Variants in PIK3C2A observed in about 807,000 individuals in gnomAD.
PIK3C2A encodes the protein phosphatidylinositol 4-phosphate 3-kinase C2 domain-containing subunit alpha.
In PIK3C2A, 97 loss-of-function variants were observed where a neutral mutation model predicts 204.5. The ratio of observed to expected loss-of-function variants is 0.47; its 90% confidence interval spans 0.40 to 0.56. The LOEUF (loss-of-function observed/expected upper bound fraction) is 0.56. Among genes scored for constraint, PIK3C2A ranks in the 20% least tolerant of loss-of-function variants. PIK3C2A has a pLI of 0.00. For missense variants in PIK3C2A, 1,735 were observed against 1,969.2 expected, an observed-to-expected ratio of 0.88 and a Z score of 2.25; for synonymous variants, 653 against 664.4, an observed-to-expected ratio of 0.98 and a Z score of 0.26.
intron 1 of PIK3C2A, among the ~76,000 whole-genome samples, chr11:17,205,375 G>A (rs1218542504): frequency 6.7e-6 from 1 of 150,234 alleles, no homozygotes; most frequent in Non-Finnish European, 1.5e-5. Context: ...TCGGGAGGCT[G>A]AGGCAGGAGA....
chr11:17,119,433 A>C, intron 16 of PIK3C2A, 120 bp from the exon 17 acceptor site: 1 of 676,736 alleles, frequency 1.5e-6, no homozygotes, highest in Non-Finnish European at 2.6e-6. Context: ...TCTTTTATTC[A>C]AAAGCAATGT....
Position 17,207,016 on chromosome 11 carries a change from GCT to G in PIK3C2A, c.-66+830_-66+831del, listed in dbSNP as rs954733949. 3.3e-5 allele frequency among the ~76,000 whole-genome samples: 5 copies of G among 151,996 alleles called. No individual in the cohort carries two copies. The East Asian group carries it at 9.6e-4, about 29-fold the overall frequency. Reference sequence around the variant, plus strand: ...CAGTATAGGAAAAGAACTACAACAGGCTCTCTCTTCCACGTTATGTCCAGACT... The same window carrying G: ...CAGTATAGGAAAAGAACTACAACAGGCTCTCTTCCACGTTATGTCCAGACT... On this transcript the variant is annotated intron_variant, in intron 1 of 32. Transcript: ENST00000691414.
intron 1 of PIK3C2A, 59 bp from the exon 2 acceptor site, chr11:17,169,865 T>G: frequency 1.5e-6 from 1 of 680,072 alleles, no homozygotes; most frequent in Non-Finnish European, 2.4e-6. Context: ...TATATTTTGT[T>G]TGCAACCTAC....
At chr11:17,131,867 T>C (rs763316297) in intron 12 of PIK3C2A, 49 bp downstream of exon 12, 8 of 1,520,986 alleles carry the variant, frequency 5.3e-6, no homozygotes, top group Non-Finnish European at 6.2e-6. Context: ...TTGGAAAAAG[T>C]AAACAACAGG....
At chr11:17,111,892 A>C (rs1299080610) in intron 21 of PIK3C2A, among the ~76,000 whole-genome samples, 11 of 151,200 alleles carry the variant, frequency 7.3e-5, no homozygotes, top group African/African-American at 2.4e-4. Context: ...CAAAAAAAAA[A>C]AAAAAAAAAT....
chr11:17,169,333 T>C lies in PIK3C2A; in HGVS notation c.409A>G (p.Ile137Val), dbSNP rs1286285140. The C allele has an allele frequency of 6.2e-6, 10 of 1,613,974 alleles. No individual in the cohort carries two copies. The Admixed American group carries it at 1.3e-4, about 22-fold the overall frequency. ...CCAGGTGGCCACTGTCCTCTCTGAA[T>C]AGTAGGTCTAAAATAGAGCTGTGCT... ...FSAQLYFRPT[I>V]QRGQWPPGLP... The change falls in exon 2 of 33, where the codon ATT becomes GTT. Residue 137 changes from isoleucine to valine, a missense_variant. Physicochemically the swap from Ile to Val is conservative, Grantham distance 29 (BLOSUM62 3). Coordinates refer to ENST00000691414, the MANE Select transcript of PIK3C2A (RefSeq NM_002645.4).
At chr11:17,152,100 G>A (rs1850441630) in intron 3 of PIK3C2A, among the ~76,000 whole-genome samples, 1 of 152,094 alleles carries the variant, frequency 6.6e-6, no homozygotes, top group Non-Finnish European at 1.5e-5. Context: ...TGGTTTGAGA[G>A]GAGGAAACCT....
intron 1 of PIK3C2A, among the ~76,000 whole-genome samples, chr11:17,176,013 T>C (rs1418634531): frequency 6.6e-6 from 1 of 151,784 alleles, no homozygotes; most frequent in Non-Finnish European, 1.5e-5. Context: ...ATTTTTTTTT[T>C]TTTTGTGGGG....
In PIK3C2A at chr11:17,087,157, A is replaced by G. The variant is rs943754115; in HGVS notation, c.*2581T>C. 3.9e-5 allele frequency: 6 copies of G among 152,222 alleles called. No homozygotes were observed. Among genetic ancestry groups the G allele is most frequent in the Non-Finnish European group, 8.8e-5 (6 of 68,020 alleles). The allele number at this position is 152,222 out of a possible 1,614,324, so 9.4% of individuals were successfully genotyped here. ...GACAACATGTAGCATAATTATTTTTAGTCAATAAAGGTGAGTATAAAATAT... is the reference window on the plus strand; with the variant it reads ...GACAACATGTAGCATAATTATTTTTGGTCAATAAAGGTGAGTATAAAATAT... On this transcript the variant is annotated 3_prime_UTR_variant, in exon 33 of 33. Coordinates refer to ENST00000691414, the MANE Select transcript of PIK3C2A (RefSeq NM_002645.4).
At chr11:17,146,182 C>A (rs767102307) in intron 6 of PIK3C2A, among the ~76,000 whole-genome samples, 1 of 152,098 alleles carries the variant, frequency 6.6e-6, no homozygotes, top group Non-Finnish European at 1.5e-5. Flanking sequence ...AGCCTACTTT[C>A]AGATATATAA....
Position 17,148,801 on chromosome 11 carries a change from A to C in PIK3C2A, c.1328-14T>G. On this transcript the variant is annotated splice_polypyrimidine_tract_variant and intron_variant, in intron 4 of 32. Coordinates refer to ENST00000691414, the MANE Select transcript of PIK3C2A (RefSeq NM_002645.4). ...CAGTAGAACTCACTGTAAAAGAGTTAGTCATTATTTTCACTTTGCTCATTT... is the reference window on the plus strand; with the variant it reads ...CAGTAGAACTCACTGTAAAAGAGTTCGTCATTATTTTCACTTTGCTCATTT... The C allele has an allele frequency of 6.2e-7, 1 of 1,601,822 alleles. No homozygotes were observed.
Position 17,105,300 on chromosome 11 carries a change from C to G in PIK3C2A, c.3550G>C (p.Val1184Leu). 1 of 1,607,456 alleles carries G rather than the reference C, an allele frequency of 6.2e-7. No individual in the cohort carries two copies. The highest frequency in any genetic ancestry group is 1.1e-5 in the South Asian group (1 of 89,754). ...CLSTGRDRGM[V>L]ELVPASDTLR... ...GTATCGGAAGCAGGAACCAGCTCCA[C>G]CATGCCTTTAATGATAAAATATTAA... The change falls in exon 23 of 33, where the codon GTG (valine) becomes CTG (leucine). Residue 1184 changes from valine (V) to leucine (L), a missense_variant. By Grantham distance (32) the Val-to-Leu change is conservative (BLOSUM62 1). Coordinates refer to ENST00000691414, the MANE Select transcript of PIK3C2A (RefSeq NM_002645.4).
chr11:17,114,215 T>A (rs1849100281), intron 20 of PIK3C2A, 146 bp downstream of exon 20: 2 of 442,672 alleles, frequency 4.5e-6, no homozygotes, highest in African/African-American at 3.9e-5. Context: ...TATGCTAAGA[T>A]AAATATGGAT....
chr11:17,151,675 C>A (rs772635299), intron 3 of PIK3C2A, among the ~76,000 whole-genome samples: 17 of 152,084 alleles, frequency 1.1e-4, no homozygotes, highest in Admixed American at 7.9e-4. Flanking sequence ...GGGGGTAATA[C>A]TACTACTTAC....
chr11:17,194,424 G>A (rs933638836), intron 1 of PIK3C2A: 18 of 177,184 alleles, frequency 1.0e-4, no homozygotes, highest in African/African-American at 4.3e-4. Context: ...CCTGAGGCAG[G>A]AAAGAAAAAA....
intron 2 of PIK3C2A, among the ~76,000 whole-genome samples, chr11:17,161,268 A>G (rs1446914857): frequency 6.6e-6 from 1 of 152,246 alleles, no homozygotes; most frequent in Non-Finnish European, 1.5e-5. Flanking sequence ...AAAGTTGGTT[A>G]CATCCTTAAT....
At position 17,119,909 on chromosome 11, in the gene PIK3C2A, C is replaced by G. The variant is rs112584158; in HGVS notation, c.2723G>C (p.Cys908Ser). 6.2e-7 allele frequency: 1 copy of G among 1,610,754 alleles called. No individual in the cohort carries two copies. The highest frequency in any genetic ancestry group is 8.5e-7 in the Non-Finnish European group (1 of 1,178,116). Residue 908 changes from cysteine (C) to serine (S), a missense_variant, in exon 16 of 33, where the codon TGT (cysteine) becomes TCT (serine). Cys to Ser is a moderately radical substitution (Grantham distance 112). This residue lies in a region of PIK3C2A where 567 missense variants were observed against 576.0 expected (regional missense o/e 0.98). Transcript: ENST00000691414. ...KRYYCFKHPN[C>S]LPKILASAPN... ...GGCGCTTGCTAATATTTTAGGAAGA[C>G]AATTTGGGTGTTTGAAGCAATAATA...
At position 17,101,306 on chromosome 11, in the gene PIK3C2A, G is replaced by C. The variant is rs377699951; in HGVS notation, c.3980C>G (p.Thr1327Arg). 2.6e-6 allele frequency: 4 copies of C among 1,561,128 alleles called. No homozygotes were observed. In the African/African-American group the frequency reaches 5.4e-5, roughly 21 times the overall value. The stretch of plus-strand genomic sequence containing the variant: ...TGAAAGGAGGTTAAGAAAAAGGTTT[G>C]TCTGCTTTCTTATCAAGTTGTAGGC... Reference protein sequence around the residue: ...CQAYNLIRKQTNLFLNLLSLM... With the variant: ...CQAYNLIRKQRNLFLNLLSLM... Residue 1327 changes from threonine (T) to arginine (R), a missense_variant, in exon 25 of 33, where the codon ACA becomes AGA. Around this residue, in one of 6 missense-constraint regions of PIK3C2A, gnomAD observed 503 missense variants for 669.0 expected, o/e 0.75. Transcript: ENST00000691414.
intron 8 of PIK3C2A, among the ~76,000 whole-genome samples, chr11:17,138,663 G>A (rs1284380894): frequency 6.6e-6 from 1 of 152,150 alleles, no homozygotes; most frequent in Admixed American, 6.6e-5. Flanking sequence ...AGGCCAGTTA[G>A]TAAATATTTT....
Sources: gnomAD v4.1 joint callset for allele counts (sites outside exome capture counted in the v4.1 genomes callset) on GRCh38, gnomAD v4.1.1 for gene constraint, gnomAD v4.1.1 regional missense constraint, MANE v1.5 for transcripts, NCBI Gene and HGNC (gene_info 2026-07-23, HGNC 2026-07-21) for gene names.